Variants in GLIS1 observed in about 807,000 individuals in gnomAD.
GLIS1 encodes zinc finger protein GLIS1.
A neutral mutation model predicts 63.8 loss-of-function variants in GLIS1; 24 were observed. That is an observed-to-expected ratio of 0.38 (90% CI 0.27 to 0.53). The LOEUF (loss-of-function observed/expected upper bound fraction) is 0.53. GLIS1 is among the 20% of genes least tolerant of loss of function. The probability of loss-of-function intolerance (pLI) is 0.85; values close to 1 mark genes in which losing one functional copy is unlikely to be tolerated. For missense variants in GLIS1, 1,036 were observed against 1,074.1 expected (o/e 0.96, Z 0.50); for synonymous variants, 450 against 482.5 (o/e 0.93, Z 0.88).
chr1:53,570,345 C>T (rs1286359705), intron 4 of GLIS1, among the ~76,000 whole-genome samples: 3 of 151,970 alleles, frequency 2.0e-5, no homozygotes, highest in Non-Finnish European at 4.4e-5. Flanking sequence ...TGGTCTCAAA[C>T]TCCTGGCCTC....
chr1:53,694,279 G>C (rs1276162991), intron 2 of GLIS1, among the ~76,000 whole-genome samples: 2 of 152,194 alleles, frequency 1.3e-5, no homozygotes, highest in Non-Finnish European at 2.9e-5. Context: ...GACAAGGAGA[G>C]AAGACATCAG....
chr1:53,565,577 G>C (rs1644930056), intron 4 of GLIS1, among the ~76,000 whole-genome samples: 1 of 151,950 alleles, frequency 6.6e-6, no homozygotes, highest in Admixed American at 6.6e-5. Flanking sequence ...AAAAATAAGA[G>C]AACACTATGA....
At position 53,685,381 on chromosome 1, in the gene GLIS1, G is replaced by A. The variant is rs556445636; in HGVS notation, c.259+52425C>T. Among the ~76,000 whole-genome samples, 40 of 152,310 alleles carry A rather than the reference G, an allele frequency of 2.6e-4. 1 individual carries two copies. The highest frequency in any genetic ancestry group is 3.4e-3 in the Middle Eastern group (1 of 294). On this transcript the variant is annotated intron_variant, in intron 2 of 10. Coordinates refer to ENST00000628545, the MANE Select transcript of GLIS1 (RefSeq NM_001367484.1). ...CGCCGTGGTGTCTGCGCTGCCGGGC[G>A]CGATCTGTTATTATCCCCCGTCAGC...
intron 7 of GLIS1, among the ~76,000 whole-genome samples, chr1:53,520,249 G>A (rs1644392658): frequency 6.6e-6 from 1 of 152,194 alleles, no homozygotes; most frequent in Non-Finnish European, 1.5e-5. Flanking sequence ...GGTGTGGACA[G>A]TGTCCGGGGG....
intron 2 of GLIS1, among the ~76,000 whole-genome samples, chr1:53,602,876 C>T (rs1399331972): frequency 1.3e-5 from 2 of 152,200 alleles, no homozygotes; most frequent in Non-Finnish European, 2.9e-5. Context: ...GTTGGAGAGC[C>T]TCTGGGAAAG....
intron 8 of GLIS1, among the ~76,000 whole-genome samples, chr1:53,512,374 A>G (rs1034366580): frequency 1.3e-5 from 2 of 152,208 alleles, no homozygotes; most frequent in Non-Finnish European, 2.9e-5. Flanking sequence ...CTGGGAAAAA[A>G]AATACCCTAT....
In GLIS1 at chr1:53,560,067, A is replaced by T. The variant is rs181343222; in HGVS notation, c.1321-30115T>A. On this transcript the variant is annotated intron_variant, in intron 4 of 10. Coordinates refer to ENST00000628545, the MANE Select transcript of GLIS1 (RefSeq NM_001367484.1). This position sits in a 1 kb window ranked among gnomAD's most constrained non-coding sequence, Gnocchi z 4.4. ...CCCAGGCAGGATTAGAGGCCCGTAG[A>T]CTCCCACAGCTGCATGCCTAGCAGG... Among the ~76,000 whole-genome samples the T allele has an allele frequency of 8.6e-5, 13 of 151,902 alleles. No individual in the cohort carries two copies. In the East Asian group the frequency reaches 2.3e-3, roughly 27 times the overall value.
chr1:53,719,013 G>A (rs1449718391), intron 2 of GLIS1, among the ~76,000 whole-genome samples: 4 of 152,118 alleles, frequency 2.6e-5, no homozygotes, highest in African/African-American at 4.8e-5. Flanking sequence ...GAGCTCCTCC[G>A]GTTGGCAGGC....
chr1:53,675,764 G>C (rs558070091), intron 2 of GLIS1, among the ~76,000 whole-genome samples: 1 of 152,274 alleles, frequency 6.6e-6, no homozygotes, highest in Middle Eastern at 3.4e-3. Context: ...GCAAAGTCCG[G>C]ACTCGAACAC....
intron 2 of GLIS1, among the ~76,000 whole-genome samples, chr1:53,638,624 T>C (rs1223779312): frequency 1.3e-5 from 2 of 152,166 alleles, no homozygotes; most frequent in Non-Finnish European, 2.9e-5. Flanking sequence ...GCAAAGACCC[T>C]GGCGTCTGGG....
intron 2 of GLIS1, among the ~76,000 whole-genome samples, chr1:53,666,838 C>T (rs773744486): frequency 5.9e-5 from 9 of 152,146 alleles, no homozygotes; most frequent in East Asian, 1.9e-4. Flanking sequence ...GCTCCTAATG[C>T]CTCCTTTCTT....
intron 2 of GLIS1, among the ~76,000 whole-genome samples, chr1:53,642,037 C>T (rs1023888253): frequency 6.6e-6 from 1 of 152,226 alleles, no homozygotes; most frequent in African/African-American, 2.4e-5. Context: ...AAGTGTGGGG[C>T]CTGGAGGCTG....
At chr1:53,669,668 T>A (rs1646131026) in intron 2 of GLIS1, among the ~76,000 whole-genome samples, 1 of 152,170 alleles carries the variant, frequency 6.6e-6, no homozygotes, top group Admixed American at 6.5e-5. Context: ...ATGTCTGGGC[T>A]CCATAGCCCC....
At chr1:53,529,749 C>A in intron 5 of GLIS1, 42 bp downstream of exon 5, 1 of 1,583,552 alleles carries the variant, frequency 6.3e-7, no homozygotes, top group East Asian at 2.2e-5. Context: ...AGGTGTGTGG[C>A]CATCCTCCAC....
intron 4 of GLIS1, 56 bp downstream of exon 4, chr1:53,594,052 G>A: frequency 6.5e-7 from 1 of 1,544,058 alleles, no homozygotes; most frequent in Non-Finnish European, 8.8e-7. Context: ...GCACTGGGGT[G>A]AGTGCTGCTC....
intron 2 of GLIS1, among the ~76,000 whole-genome samples, chr1:53,696,614 C>G (rs188117094): frequency 6.3e-4 from 96 of 152,080 alleles, no homozygotes; most frequent in Middle Eastern, 3.4e-3. Context: ...ACCCTCACCC[C>G]ACCCGGCCAT....
In GLIS1 at chr1:53,506,737, A is replaced by T. The variant is rs766600935; in HGVS notation, c.2270T>A (p.Leu757Gln). 1 of 1,612,780 alleles carries T rather than the reference A, an allele frequency of 6.2e-7. No homozygotes were observed. The highest frequency in any genetic ancestry group is 8.5e-7 in the Non-Finnish European group (1 of 1,179,966). Reference protein sequence around the residue: ...ALAEASCPTALPQQPSEDVVS... With the variant: ...ALAEASCPTAQPQQPSEDVVS... Reference sequence around the variant, plus strand: ...CACATCTTCAGATGGCTGCTGTGGCAGCGCTGTGGGGCATGAGGCCTCAGC... The same window carrying T: ...CACATCTTCAGATGGCTGCTGTGGCTGCGCTGTGGGGCATGAGGCCTCAGC... Residue 757 changes from leucine (L) to glutamine (Q), a missense_variant, in exon 11 of 11, where the codon CTG (leucine) becomes CAG (glutamine). By Grantham distance (113) the Leu-to-Gln change is moderately radical. Around this residue, in one of 3 missense-constraint regions of GLIS1, gnomAD observed 400 missense variants for 400.9 expected, o/e 1.00. Transcript: ENST00000628545.
Position 53,613,633 on chromosome 1 carries a change from T to C in GLIS1, c.260-13355A>G, listed in dbSNP as rs576435595. On this transcript the variant is annotated intron_variant, in intron 2 of 10. Coordinates refer to ENST00000628545, the MANE Select transcript of GLIS1 (RefSeq NM_001367484.1). The stretch of plus-strand genomic sequence containing the variant: ...TGCAGAGCTGTGTTATTATGTAATT[T>C]AAAAATGATATTTTTGGTGGTTTTT... Among the ~76,000 whole-genome samples, 12 of 117,768 alleles carry C rather than the reference T, an allele frequency of 1.0e-4. No homozygotes were observed. In the Admixed American group the frequency reaches 1.2e-3, roughly 12 times the overall value. 77.3% of individuals were successfully genotyped at this position (117,768 alleles called of 152,430 possible).
chr1:53,555,698 G>A (rs1196233688), intron 4 of GLIS1, among the ~76,000 whole-genome samples: 10 of 152,186 alleles, frequency 6.6e-5, no homozygotes, highest in East Asian at 1.9e-4. Context: ...TACTATGTAC[G>A]TACAAAAATT....
Sources: gnomAD v4.1 joint callset for allele counts (sites outside exome capture counted in the v4.1 genomes callset) on GRCh38, gnomAD v4.1.1 for gene constraint, gnomAD v4.1.1 regional missense constraint, Gnocchi (gnomAD v3.1) non-coding constraint, MANE v1.5 for transcripts, NCBI Gene and HGNC (gene_info 2026-07-23, HGNC 2026-07-21) for gene names.